The following SHISA9 variants were observed in gnomAD, a reference collection of about 807,000 sequenced individuals.
The protein encoded by SHISA9 is protein shisa-9.
Under a neutral mutation model 38.0 loss-of-function variants are expected in SHISA9, and 13 were observed. The ratio of observed to expected loss-of-function variants is 0.34; its 90% CI spans 0.22 to 0.54. SHISA9 has a LOEUF of 0.54. Among genes scored for constraint, SHISA9 ranks in the 20% least tolerant of loss-of-function variants. The probability of loss-of-function intolerance (pLI) is 0.91; values close to 1 mark genes in which losing one functional copy is unlikely to be tolerated. For synonymous variants in SHISA9, 275 were observed against 242.0 expected (o/e 1.14, Z -1.27); for missense variants, 538 against 575.8 (o/e 0.93, Z 0.67).
intron 2 of SHISA9, among the ~76,000 whole-genome samples, chr16:13,080,281 G>A (rs145744855): frequency 0.053 from 8,139 of 152,272 alleles, 360 homozygotes; most frequent in Admixed American, 0.14. Flanking sequence ...GCTGACGCAG[G>A]AGAATGGCAT....
At chr16:13,107,796 G>A (rs1409761035) in intron 2 of SHISA9, among the ~76,000 whole-genome samples, 2 of 152,110 alleles carry the variant, frequency 1.3e-5, no homozygotes, top group African/African-American at 2.4e-5. Context: ...GGAAACAATG[G>A]GGATGAATGA....
rs367686410 is a variant in SHISA9, at chr16:13,110,810, G to C, written c.692-92584G>C. On this transcript the variant is annotated intron_variant, in intron 2 of 4. Coordinates refer to ENST00000558583, the MANE Select transcript of SHISA9 (RefSeq NM_001145204.3). Reference sequence around the variant, plus strand: ...GAATTGAGTCTTTGTATGTCCAAGAGACAAGATATTCATTTAAATTGAACA... The same window carrying C: ...GAATTGAGTCTTTGTATGTCCAAGACACAAGATATTCATTTAAATTGAACA... Among the ~76,000 whole-genome samples, 49 of 152,322 alleles carry C rather than the reference G, an allele frequency of 3.2e-4. 2 individuals carry two copies. Among genetic ancestry groups the C allele is most frequent in the African/African-American group, 1.1e-3 (47 of 41,574 alleles).
the SHISA9 span, among the ~76,000 whole-genome samples, chr16:13,405,590 A>G: frequency 6.6e-6 from 1 of 152,204 alleles, no homozygotes; most frequent in African/African-American, 2.4e-5. Flanking sequence ...CACTAAGCAT[A>G]GTAACCAAGA....
intron 2 of SHISA9, among the ~76,000 whole-genome samples, chr16:13,064,023 T>C (rs981119240): frequency 1.8e-4 from 28 of 152,182 alleles, no homozygotes; most frequent in African/African-American, 6.8e-4. Flanking sequence ...GCTCTTCTGT[T>C]GTCACTCAGT....
At chr16:13,487,263 C>T in the SHISA9 span, among the ~76,000 whole-genome samples, 3 of 152,098 alleles carry the variant, frequency 2.0e-5, no homozygotes, top group Non-Finnish European at 1.5e-5. Flanking sequence ...TGTGTTAGGC[C>T]GTTCTTGCAT....
chr16:13,469,412 A>AGAAAGAAG, the SHISA9 span, among the ~76,000 whole-genome samples: 1 of 128,584 alleles, frequency 7.8e-6, no homozygotes, highest in African/African-American at 3.1e-5. Flanking sequence ...AAAGAAAGAA[A>AGAAAGAAG]GAAAGAAAGA....
the SHISA9 span, among the ~76,000 whole-genome samples, chr16:13,389,077 C>T: frequency 6.6e-6 from 1 of 152,146 alleles, no homozygotes; most frequent in Non-Finnish European, 1.5e-5. Flanking sequence ...CCTACATTGA[C>T]ACATCCCTGC....
intron 2 of SHISA9, among the ~76,000 whole-genome samples, chr16:13,187,154 G>C (rs1188180414): frequency 4.6e-5 from 7 of 152,062 alleles, no homozygotes; most frequent in Admixed American, 3.9e-4. Context: ...ACTCTGGAAG[G>C]CTAATTAATT....
the SHISA9 span, among the ~76,000 whole-genome samples, chr16:13,358,720 T>A: frequency 5.9e-5 from 9 of 152,332 alleles, no homozygotes; most frequent in African/African-American, 2.2e-4. Flanking sequence ...CCTCTCTGCC[T>A]TATACCTGAC....
At chr16:13,018,701 A>T (rs778442825) in intron 2 of SHISA9, among the ~76,000 whole-genome samples, 8 of 152,124 alleles carry the variant, frequency 5.3e-5, no homozygotes, top group Non-Finnish European at 1.0e-4. Flanking sequence ...TCCTTTATTG[A>T]TTCCTAGTCG....
chr16:13,266,519 C>G, the SHISA9 span, among the ~76,000 whole-genome samples: 1 of 152,116 alleles, frequency 6.6e-6, no homozygotes, highest in Non-Finnish European at 1.5e-5. Context: ...AATGTTGGTT[C>G]AAGCATGCAA....
chr16:13,232,279 T>C (rs1009360569), intron 4 of SHISA9, among the ~76,000 whole-genome samples: 2 of 152,008 alleles, frequency 1.3e-5, no homozygotes, highest in African/African-American at 4.8e-5. Context: ...AATCTTATAA[T>C]AAAAGAATTC....
chr16:13,469,360 AAAGAAAAAGAAAGAAAGAAAG>A, the SHISA9 span, among the ~76,000 whole-genome samples: 51 of 44,478 alleles, frequency 1.1e-3, no homozygotes, highest in East Asian at 5.1e-3. Context: ...GAAAGAAAGA[AAAGAAAAAGAAAGAAAGAAAG>A]AAAGAAAGAA....
chr16:13,165,121 G>C (rs970949133), intron 2 of SHISA9, among the ~76,000 whole-genome samples: 1 of 152,072 alleles, frequency 6.6e-6, no homozygotes, highest in Admixed American at 6.6e-5. Flanking sequence ...TGTATTTGTA[G>C]AGTTTTCATA....
the SHISA9 span, among the ~76,000 whole-genome samples, chr16:13,560,131 G>A: frequency 6.6e-6 from 1 of 152,226 alleles, no homozygotes; most frequent in African/African-American, 2.4e-5. Flanking sequence ...CAGTTTTGCA[G>A]CTCTGCTTTT....
chr16:13,371,868 C>T, the SHISA9 span, among the ~76,000 whole-genome samples: 1 of 152,198 alleles, frequency 6.6e-6, no homozygotes, highest in Admixed American at 6.5e-5. Flanking sequence ...TACCCAAATC[C>T]CCTTTCAGAT....
the SHISA9 span, among the ~76,000 whole-genome samples, chr16:13,367,712 G>GTGCACACACA: frequency 1.1e-4 from 12 of 104,690 alleles, no homozygotes; most frequent in South Asian, 4.0e-4. Flanking sequence ...GCGCGCGCGC[G>GTGCACACACA]CACACACACA....
the SHISA9 span, among the ~76,000 whole-genome samples, chr16:13,305,989 C>A: frequency 6.6e-6 from 1 of 152,138 alleles, no homozygotes; most frequent in Non-Finnish European, 1.5e-5. Context: ...AGCTCATGGG[C>A]TAGTAGGATG....
the SHISA9 span, among the ~76,000 whole-genome samples, chr16:13,319,682 A>G: frequency 1.3e-5 from 2 of 151,712 alleles, no homozygotes; most frequent in Admixed American, 1.3e-4. Flanking sequence ...CTTTCCATCC[A>G]TGATGCACAG....
Sources: gnomAD v4.1 joint callset for allele counts (sites outside exome capture counted in the v4.1 genomes callset) on GRCh38, gnomAD v4.1.1 for gene constraint, MANE v1.5 for transcripts, NCBI Gene and HGNC (gene_info 2026-07-23, HGNC 2026-07-21) for gene names.